ACCSL: variants seen among roughly 807,000 people sequenced by gnomAD.
The protein encoded by ACCSL is 1-aminocyclopropane-1-carboxylate synthase homolog (inactive) like, also known as probable inactive 1-aminocyclopropane-1-carboxylate synthase-like protein 2.
ACCSL carries 55 observed loss-of-function variants against 61.7 expected under a neutral mutation model. That is an observed-to-expected ratio of 0.89 (90% CI 0.72 to 1.12). The LOEUF (loss-of-function observed/expected upper bound fraction) is 1.12, where lower values mean the gene tolerates loss of function less well. ACCSL is among the 50% of genes most tolerant of loss of function. ACCSL has a pLI of 0.00. For missense variants in ACCSL, 632 were observed against 698.0 expected (o/e 0.91, Z 1.07); for synonymous variants, 258 against 264.3 (o/e 0.98, Z 0.23).
the ACCSL span, among the ~76,000 whole-genome samples, chr11:44,003,642 C>CA: frequency 0.31 from 43,078 of 141,146 alleles, 6,696 homozygotes; most frequent in African/African-American, 0.42. Flanking sequence ...GACTTTGTCT[C>CA]AAAAAAAAAA....
upstream of ACCSL, among the ~76,000 whole-genome samples, chr11:44,043,379 G>T (rs995630734): frequency 8.5e-5 from 13 of 152,138 alleles, no homozygotes; most frequent in Non-Finnish European, 1.9e-4. Context: ...ATTCTAAGTG[G>T]AGTTATTTTC....
the ACCSL span, chr11:43,943,799 C>T: frequency 9.3e-5 from 121 of 1,303,062 alleles, no homozygotes; most frequent in Middle Eastern, 2.1e-4. This position sits in a 1 kb window ranked among gnomAD's most constrained non-coding sequence, Gnocchi z 4.8. Context: ...TGGCTGAAGG[C>T]ATTTATTTAA....
chr11:43,961,802 C>CAACATAAGGCCGA, the ACCSL span, among the ~76,000 whole-genome samples: 1 of 152,096 alleles, frequency 6.6e-6, no homozygotes, highest in Admixed American at 6.6e-5. Flanking sequence ...CCGATTCACA[C>CAACATAAGGCCGA]TTCAGCTATA....
chr11:44,033,553 A>G, the ACCSL span, among the ~76,000 whole-genome samples: 1 of 152,094 alleles, frequency 6.6e-6, no homozygotes, highest in Non-Finnish European at 1.5e-5. Context: ...CCCAGGGCTG[A>G]GGTCATTTGA....
chr11:43,930,109 G>T, the ACCSL span, among the ~76,000 whole-genome samples: 1 of 152,150 alleles, frequency 6.6e-6, no homozygotes, highest in East Asian at 1.9e-4. Context: ...CAGAGGCAGG[G>T]CCGGATTCCC....
At chr11:43,939,838 C>G in the ACCSL span, among the ~76,000 whole-genome samples, 1 of 152,170 alleles carries the variant, frequency 6.6e-6, no homozygotes, top group African/African-American at 2.4e-5. Flanking sequence ...AACTCCTGAC[C>G]TCAAGTGATC....
At chr11:43,979,861 A>G in the ACCSL span, among the ~76,000 whole-genome samples, 52 of 126,626 alleles carry the variant, frequency 4.1e-4, 1 homozygote, top group South Asian at 1.4e-3. Flanking sequence ...AAAAAAAAAA[A>G]AAAAGAAAAG....
the ACCSL span, among the ~76,000 whole-genome samples, chr11:43,965,918 A>G: frequency 6.6e-6 from 1 of 152,158 alleles, no homozygotes; most frequent in Non-Finnish European, 1.5e-5. Context: ...GTATATGTCT[A>G]TGGTGTGGGC....
chr11:44,035,932 T>C, the ACCSL span, among the ~76,000 whole-genome samples: 9 of 121,990 alleles, frequency 7.4e-5, no homozygotes, highest in Admixed American at 2.6e-4. Flanking sequence ...AGTGAGACTC[T>C]GTGTAAAAAA....
the ACCSL span, among the ~76,000 whole-genome samples, chr11:44,041,300 A>G: frequency 2.0e-5 from 3 of 152,256 alleles, no homozygotes; most frequent in Non-Finnish European, 2.9e-5. Context: ...GTTAGGGTTA[A>G]GTGAAAATGA....
the ACCSL span, among the ~76,000 whole-genome samples, chr11:44,000,144 A>G: frequency 1.3e-5 from 2 of 151,942 alleles, no homozygotes; most frequent in East Asian, 1.9e-4. Context: ...TTTTATTTTG[A>G]GATGGAGTCT....
intron 2 of ACCSL, 25 bp from the exon 3 acceptor site, chr11:44,050,527 G>GTCT: frequency 6.2e-7 from 1 of 1,612,134 alleles, no homozygotes; most frequent in East Asian, 2.2e-5. Context: ...TGGCCTACCT[G>GTCT]TCTTCATGTT....
chr11:43,982,198 T>G, the ACCSL span, among the ~76,000 whole-genome samples: 2 of 149,952 alleles, frequency 1.3e-5, no homozygotes, highest in South Asian at 4.2e-4. Flanking sequence ...ACCACCTCTC[T>G]GTCCTGCCTC....
chr11:43,993,236 A>ACAGAAGGG, the ACCSL span, among the ~76,000 whole-genome samples: 1 of 152,082 alleles, frequency 6.6e-6, no homozygotes, highest in East Asian at 1.9e-4. Flanking sequence ...TATTAGGTAG[A>ACAGAAGGG]CAGAAGGGCT....
At chr11:44,023,322 C>T in the ACCSL span, among the ~76,000 whole-genome samples, 4 of 151,964 alleles carry the variant, frequency 2.6e-5, no homozygotes, top group East Asian at 1.9e-4. Context: ...TAAAGTGTTG[C>T]GATTATAGGC....
the ACCSL span, among the ~76,000 whole-genome samples, chr11:43,996,188 C>T: frequency 1.1e-4 from 16 of 152,328 alleles, no homozygotes; most frequent in East Asian, 1.9e-3. Flanking sequence ...GATTTCCAGC[C>T]GCTAGAACTG....
the ACCSL span, among the ~76,000 whole-genome samples, chr11:43,990,450 C>T: frequency 3.9e-5 from 6 of 152,090 alleles, no homozygotes; most frequent in Admixed American, 2.6e-4. Context: ...GAAGAATTCT[C>T]ATCTCTTCAG....
the ACCSL span, chr11:43,995,219 TG>T: frequency 1.3e-5 from 2 of 152,176 alleles, no homozygotes; most frequent in African/African-American, 4.8e-5. Flanking sequence ...ATGAGGACTC[TG>T]TGCACAGGAA....
chr11:43,967,167 C>CTTTTTTTTTTTTT, the ACCSL span, among the ~76,000 whole-genome samples: 75 of 62,708 alleles, frequency 1.2e-3, 18 homozygotes, highest in African/African-American at 2.9e-3. Context: ...TCTTCTTCTT[C>CTTTTTTTTTTTTT]TTTTTTTTTT....
Sources: allele counts gnomAD v4.1 joint callset (sites outside exome capture counted in the v4.1 genomes callset), GRCh38; gene constraint gnomAD v4.1.1; non-coding constraint Gnocchi (gnomAD v3.1); transcripts MANE v1.5; gene names NCBI Gene and HGNC (gene_info 2026-07-23, HGNC 2026-07-21).